The following NCALD variants were observed in gnomAD, a reference collection of about 807,000 sequenced individuals.
NCALD encodes neurocalcin delta.
A neutral mutation model predicts 18.6 loss-of-function variants in NCALD; 10 were observed. That is an observed-to-expected ratio of 0.54 (90% CI 0.33 to 0.91). The LOEUF (loss-of-function observed/expected upper bound fraction) is 0.91, where lower values mean the gene tolerates loss of function less well. NCALD is among the 40% of genes least tolerant of loss of function. NCALD has a pLI of 0.03. For synonymous variants in NCALD, 88 were observed against 87.4 expected, an observed-to-expected ratio of 1.01 and a Z score of -0.04; for missense variants, 184 against 247.6, an observed-to-expected ratio of 0.74 and a Z score of 1.72.
intron 1 of NCALD, among the ~76,000 whole-genome samples, chr8:101,739,921 CCTGA>C (rs1328182719): frequency 6.6e-6 from 1 of 152,074 alleles, no homozygotes; most frequent in African/African-American, 2.4e-5. Context: ...TCTAGAGACC[CCTGA>C]CTAATACACC....
chr8:101,970,921 CTCTTA>C lies in NCALD; in HGVS notation c.-157+49311_-157+49315del, dbSNP rs1300156514. The stretch of plus-strand genomic sequence containing the variant: ...AGGTATTTGGGTCATGGGGACAGGT[CTCTTA>C]TGAGTATATTAATGCCATCTTACAG... On this transcript the variant is annotated intron_variant, in intron 2 of 6. Transcript: ENST00000311028. 7.2e-5 allele frequency among the ~76,000 whole-genome samples: 11 copies of C among 152,206 alleles called. No individual in the cohort carries two copies. In the Middle Eastern group the frequency reaches 0.01, roughly 141 times the overall value.
intron 1 of NCALD, among the ~76,000 whole-genome samples, chr8:101,738,552 C>CAAAAAAAAAAAAAAAAAAA (rs34205453): frequency 1.6e-5 from 2 of 127,914 alleles, no homozygotes; most frequent in African/African-American, 2.9e-5. Flanking sequence ...CTCAAAAAAA[C>CAAAAAAAAAAAAAAAAAAA]AAAAAAAAAA....
At chr8:101,833,929 T>C (rs1814298242) in intron 4 of NCALD, among the ~76,000 whole-genome samples, 1 of 152,192 alleles carries the variant, frequency 6.6e-6, no homozygotes, top group South Asian at 2.1e-4. Flanking sequence ...ATGCTCAGCT[T>C]TCCCTGGTGG....
At chr8:101,972,594 GA>G (rs1820281833) in intron 2 of NCALD, among the ~76,000 whole-genome samples, 1 of 152,146 alleles carries the variant, frequency 6.6e-6, no homozygotes, top group Non-Finnish European at 1.5e-5. Context: ...CTTCTTTCTA[GA>G]AGGTTCATTA....
intron 2 of NCALD, among the ~76,000 whole-genome samples, chr8:101,933,056 G>A (rs1818635656): frequency 6.6e-6 from 1 of 152,080 alleles, no homozygotes; most frequent in Admixed American, 6.6e-5. Context: ...CAAATATTCT[G>A]GATCTCCTTT....
chr8:101,891,476 T>C (rs760535600), intron 3 of NCALD, among the ~76,000 whole-genome samples: 2 of 152,230 alleles, frequency 1.3e-5, no homozygotes, highest in Non-Finnish European at 2.9e-5. Context: ...TAGTATTCCA[T>C]TGTATGAAAG....
At chr8:101,708,438 T>G (rs2130273290) in intron 2 of NCALD, among the ~76,000 whole-genome samples, 1 of 152,342 alleles carries the variant, frequency 6.6e-6, no homozygotes, top group South Asian at 2.1e-4. Context: ...TAATGGAAGA[T>G]TCTATCCATT....
chr8:101,954,433 C>A (rs1359639959), intron 2 of NCALD, among the ~76,000 whole-genome samples: 2 of 152,164 alleles, frequency 1.3e-5, no homozygotes, highest in Non-Finnish European at 2.9e-5. Context: ...GCTTTTCTTT[C>A]CCTTCTGAAC....
intron 1 of NCALD, among the ~76,000 whole-genome samples, chr8:101,747,837 C>A (rs1810490784): frequency 6.6e-6 from 1 of 151,964 alleles, no homozygotes; most frequent in Admixed American, 6.6e-5. Flanking sequence ...CCTGCCTCAG[C>A]CTCCTGAGTA....
intron 4 of NCALD, among the ~76,000 whole-genome samples, chr8:101,822,698 GCCTTTGTAATT>G (rs1813771137): frequency 6.6e-6 from 1 of 152,168 alleles, no homozygotes; most frequent in African/African-American, 2.4e-5. Context: ...AGCTCCTGCA[GCCTTTGTAATT>G]CCAGCAGGCA....
intron 2 of NCALD, among the ~76,000 whole-genome samples, chr8:101,704,381 G>C (rs1029317043): frequency 1.3e-5 from 2 of 152,248 alleles, no homozygotes; most frequent in African/African-American, 2.4e-5. Context: ...CTGGGGTGTG[G>C]GGGGCAGAGG....
chr8:102,001,763 A>G (rs1263600630), intron 2 of NCALD, among the ~76,000 whole-genome samples: 2 of 152,230 alleles, frequency 1.3e-5, no homozygotes, highest in Non-Finnish European at 2.9e-5. Flanking sequence ...AGAATTTCAT[A>G]TCCAGCCAAA....
intron 2 of NCALD, among the ~76,000 whole-genome samples, chr8:101,694,797 C>G (rs1408408671): frequency 3.9e-5 from 6 of 152,132 alleles, no homozygotes; most frequent in Non-Finnish European, 7.3e-5. Context: ...ATGTGCCTCA[C>G]TGCCGGGGAC....
At chr8:101,772,985 C>T (rs555052393) in intron 1 of NCALD, among the ~76,000 whole-genome samples, 72 of 152,188 alleles carry the variant, frequency 4.7e-4, no homozygotes, top group African/African-American at 1.7e-3. Context: ...CTTATTGTCC[C>T]CAAAAATTAT....
In NCALD at chr8:101,903,540, G is replaced by A. The variant is rs1214721449; in HGVS notation, c.-107+12269C>T. Among the ~76,000 whole-genome samples, 5 of 152,104 alleles carry A rather than the reference G, an allele frequency of 3.3e-5. No individual in the cohort carries two copies. In the South Asian group the frequency reaches 8.3e-4, roughly 25 times the overall value. On this transcript the variant is annotated intron_variant, in intron 3 of 6. Transcript: ENST00000311028. ...TGTGCTTTTGTGTTGGGGCGAGAGC[G>A]AGGGAGAGAATGAGGACTGTAGAGA...
chr8:101,981,431 T>C (rs1398850201), intron 2 of NCALD, among the ~76,000 whole-genome samples: 2 of 152,240 alleles, frequency 1.3e-5, no homozygotes, highest in Non-Finnish European at 2.9e-5. Flanking sequence ...ATTAAAACTT[T>C]TAATTAAAAA....
Position 101,903,096 on chromosome 8 carries a change from G to A in NCALD, c.-107+12713C>T, listed in dbSNP as rs1032815415. On this transcript the variant is annotated intron_variant, in intron 3 of 6. Transcript: ENST00000311028. ...ATCCCAAGCCCAGCACGTGGAGGCA[G>A]GAAAAGAAATGAGTGGGCAGACAAA... Among the ~76,000 whole-genome samples, 3 of 152,102 alleles carry A rather than the reference G, an allele frequency of 2.0e-5. No individual in the cohort carries two copies. In the South Asian group the frequency reaches 6.2e-4, roughly 32 times the overall value.
chr8:102,075,559 T>A (rs955052607), intron 1 of NCALD, among the ~76,000 whole-genome samples: 7 of 152,226 alleles, frequency 4.6e-5, no homozygotes, highest in Non-Finnish European at 7.3e-5. Context: ...TTTTTCTCCT[T>A]TATAGTTCTC....
intron 1 of NCALD, among the ~76,000 whole-genome samples, chr8:102,037,555 C>A (rs1386692518): frequency 6.6e-6 from 1 of 152,168 alleles, no homozygotes; most frequent in Admixed American, 6.6e-5. Context: ...ATATCAGGAG[C>A]TATCTCCTAG....
Sources: allele counts gnomAD v4.1 joint callset (sites outside exome capture counted in the v4.1 genomes callset), GRCh38; gene constraint gnomAD v4.1.1; transcripts MANE v1.5; gene names NCBI Gene and HGNC (gene_info 2026-07-23, HGNC 2026-07-21).